The following MICAL3 variants were observed in gnomAD, a reference collection of about 807,000 sequenced individuals.
MICAL3 encodes the protein [F-actin]-monooxygenase MICAL3.
In MICAL3, 62 loss-of-function variants were observed where a neutral mutation model predicts 207.4. The observed-to-expected ratio is 0.30, with a 90% CI of 0.24 to 0.37. The LOEUF is 0.37. MICAL3 is among the 10% of genes least tolerant of loss of function. MICAL3 has a pLI of 1.00. For missense variants in MICAL3, 2,368 were observed against 2,635.6 expected (o/e 0.90, Z 2.22); for synonymous variants, 1,077 against 1,069.3 (o/e 1.01, Z -0.14).
intron 1 of MICAL3, chr22:18,004,643 T>C (rs1188950800): frequency 5.9e-5 from 9 of 152,388 alleles, no homozygotes; most frequent in Non-Finnish European, 1.0e-4. Context: ...TATTAAGTGC[T>C]CACTATGTGC....
intron 7 of MICAL3, 180 bp downstream of exon 7, chr22:17,899,268 T>G: frequency 1.5e-6 from 1 of 682,250 alleles, no homozygotes; most frequent in South Asian, 1.5e-5. Context: ...TTATTTACAT[T>G]TGAAATTAGC....
intron 1 of MICAL3, among the ~76,000 whole-genome samples, chr22:17,923,274 G>A (rs1462277695): frequency 1.3e-5 from 2 of 152,262 alleles, no homozygotes; most frequent in South Asian, 4.1e-4. Flanking sequence ...TACCCTGTCC[G>A]GAGCATATTG....
At chr22:18,000,079 G>C (rs1013343246) in intron 1 of MICAL3, among the ~76,000 whole-genome samples, 3 of 152,152 alleles carry the variant, frequency 2.0e-5, no homozygotes, top group Non-Finnish European at 4.4e-5. Context: ...AGGCGGCAGC[G>C]ACTGTAGGAA....
In MICAL3 at chr22:17,821,987, T is replaced by G. The variant is rs67527329; in HGVS notation, c.3448+43A>C. The G allele has an allele frequency of 1.9e-6, 3 of 1,604,860 alleles. No homozygotes were observed. The South Asian group carries it at 3.4e-5, about 18-fold the overall frequency. On this transcript the variant is annotated intron_variant, in intron 24 of 31. Coordinates refer to ENST00000441493, the MANE Select transcript of MICAL3 (RefSeq NM_015241.3). ...CACTCTTGTGTGCATATGGCCCTCG[T>G]AGGAATTCTGAAAGTTGTTTCTCCC...
chr22:17,843,651 T>C (rs1005456392), intron 19 of MICAL3, among the ~76,000 whole-genome samples: 16 of 152,352 alleles, frequency 1.1e-4, no homozygotes, highest in African/African-American at 3.8e-4. Flanking sequence ...GTCACCTTCC[T>C]CTTCCACTTA....
chr22:17,808,079 C>T (rs565194959), intron 29 of MICAL3, among the ~76,000 whole-genome samples: 14 of 152,376 alleles, frequency 9.2e-5, no homozygotes, highest in African/African-American at 1.9e-4. Flanking sequence ...CTTCCTGGGC[C>T]GTGGGGCCAG....
chr22:18,000,692 C>T (rs538128003), intron 1 of MICAL3, among the ~76,000 whole-genome samples: 1 of 152,240 alleles, frequency 6.6e-6, no homozygotes, highest in African/African-American at 2.4e-5. Flanking sequence ...CGGAAGGCAG[C>T]CAGGGAAGGG....
In MICAL3 at chr22:17,819,177, G is replaced by T. The variant is rs187615244; in HGVS notation, c.3532-48C>A. 9.2e-6 allele frequency: 13 copies of T among 1,417,804 alleles called. No individual in the cohort carries two copies. In the Admixed American group the frequency reaches 1.3e-4, roughly 14 times the overall value. 87.8% of individuals were successfully genotyped at this position (1,417,804 alleles called of 1,614,324 possible). On this transcript the variant is annotated intron_variant, in intron 25 of 31. Transcript: ENST00000441493. ...CCGCTGAGAAGGTGTGGGCTTTCAC[G>T]ACCAGCAGCATCCTCGGGGAGCCTT...
chr22:17,872,963 T>C (rs1214500543), intron 16 of MICAL3: 1 of 747,602 alleles, frequency 1.3e-6, no homozygotes, highest in Non-Finnish European at 2.3e-6. Flanking sequence ...GAAGTGCAAT[T>C]TGAATACAAG....
intron 29 of MICAL3, among the ~76,000 whole-genome samples, chr22:17,795,715 G>A (rs1248373383): frequency 6.6e-6 from 1 of 152,258 alleles, no homozygotes; most frequent in East Asian, 1.9e-4. Context: ...AGTCCGAGCT[G>A]CGCTGCGGGG....
At chr22:17,876,871 TTAGG>T in intron 16 of MICAL3, 1 of 139,196 alleles carries the variant, frequency 7.2e-6, no homozygotes, top group Non-Finnish European at 1.5e-5. Flanking sequence ...GTTAGGGAGG[TTAGG>T]GAGGTTAGGG....
intron 17 of MICAL3, 130 bp downstream of exon 17, chr22:17,871,707 G>A: frequency 2.6e-6 from 2 of 770,316 alleles, no homozygotes; most frequent in Middle Eastern, 7.5e-4. Context: ...GGGCAAGAAA[G>A]GCTGGGAGAG....
chr22:17,841,639 T>C lies in MICAL3; in HGVS notation c.2801+183A>G. The C allele has an allele frequency of 1.6e-6, 1 of 609,862 alleles. No individual in the cohort carries two copies. Among genetic ancestry groups the C allele is most frequent in the South Asian group, 2.0e-5 (1 of 51,084 alleles). 37.8% of individuals were successfully genotyped at this position (609,862 alleles called of 1,614,324 possible). A position where few individuals can be genotyped will look rare whatever the true frequency, so the allele number is the denominator to read the frequency against. ...TCCTGAATCTCTGAATTGAGTCTGA[T>C]GGAGGAGTCCTCACTGACTAGAAGA... On this transcript the variant is annotated intron_variant, in intron 20 of 31. Transcript: ENST00000441493. This position sits in a 1 kb window ranked among gnomAD's most constrained non-coding sequence, Gnocchi z 4.2.
At chr22:17,950,036 C>G (rs1934255439) in intron 1 of MICAL3, among the ~76,000 whole-genome samples, 1 of 152,126 alleles carries the variant, frequency 6.6e-6, no homozygotes, top group South Asian at 2.1e-4. Flanking sequence ...CTGTAGAGGA[C>G]TAAGTAGAAT....
chr22:17,946,908 C>G (rs73388472), intron 1 of MICAL3, among the ~76,000 whole-genome samples: 1 of 152,258 alleles, frequency 6.6e-6, no homozygotes, highest in East Asian at 1.9e-4. Context: ...AAGGGCCCAG[C>G]TGAACCACAT....
At chr22:17,858,512 A>G (rs1926170512) in intron 19 of MICAL3, 1 of 982,880 alleles carries the variant, frequency 1.0e-6, no homozygotes. Context: ...AGAGCTCCAC[A>G]TGGGTGTTTT....
At chr22:18,007,816 G>A (rs941534470) in intron 1 of MICAL3, among the ~76,000 whole-genome samples, 133 of 150,778 alleles carry the variant, frequency 8.8e-4, no homozygotes, top group African/African-American at 2.8e-3. Flanking sequence ...ACAGCTACTC[G>A]GGAGGCTGAG....
In MICAL3 at chr22:17,895,389, C is replaced by T. The variant is rs1386422404; in HGVS notation, c.1344G>A (p.Leu448=). Residue 448 remains leucine, a synonymous_variant, in exon 10 of 32, where the codon CTG becomes CTA. Coordinates refer to ENST00000441493, the MANE Select transcript of MICAL3 (RefSeq NM_015241.3). ...LAERESIYRL[L]PQTTPENVSK... is the part of the protein sequence containing the mutation. ...TCACATTCTCAGGGGTGGTCTGAGG[C>T]AGCAACCTGTAAATACTTTCCCTGC... is the stretch of plus-strand genomic sequence containing the variant. The T allele has an allele frequency of 1.2e-6, 2 of 1,613,756 alleles. No individual in the cohort carries two copies. Among genetic ancestry groups the T allele is most frequent in the Non-Finnish European group, 1.7e-6 (2 of 1,179,800 alleles).
chr22:17,799,254 C>T (rs5992848), intron 29 of MICAL3, among the ~76,000 whole-genome samples: 18,815 of 152,060 alleles, frequency 0.12, 1,749 homozygotes, highest in African/African-American at 0.26. Flanking sequence ...TGGTGGCGCA[C>T]GCCTGTAGTC....
Sources: allele counts gnomAD v4.1 joint callset (sites outside exome capture counted in the v4.1 genomes callset), GRCh38; gene constraint gnomAD v4.1.1; non-coding constraint Gnocchi (gnomAD v3.1); transcripts MANE v1.5; gene names NCBI Gene and HGNC (gene_info 2026-07-23, HGNC 2026-07-21).